The following FRMD6 variants were observed in gnomAD, a reference collection of about 807,000 sequenced individuals.
FRMD6 encodes the protein FERM domain containing 6.
Under a neutral mutation model 73.2 loss-of-function variants are expected in FRMD6, and 37 were observed. The ratio of observed to expected loss-of-function variants is 0.51; its 90% CI spans 0.39 to 0.66. The LOEUF is 0.66. Among genes scored for constraint, FRMD6 ranks in the 30% least tolerant of loss-of-function variants. FRMD6 has a pLI of 0.00. For missense variants in FRMD6, 714 were observed against 780.5 expected, an observed-to-expected ratio of 0.91 and a Z score of 1.02; for synonymous variants, 273 against 282.2, an observed-to-expected ratio of 0.97 and a Z score of 0.33.
intron 1 of FRMD6, among the ~76,000 whole-genome samples, chr14:51,531,975 A>G (rs1190720969): frequency 6.6e-6 from 1 of 152,224 alleles, no homozygotes; most frequent in Non-Finnish European, 1.5e-5. Context: ...TATAATAAAC[A>G]TATACTTCTT....
chr14:51,502,913 T>C (rs773681794), intron 1 of FRMD6, among the ~76,000 whole-genome samples: 3 of 152,200 alleles, frequency 2.0e-5, no homozygotes, highest in African/African-American at 4.8e-5. Context: ...GTCCTTCACA[T>C]CTCTTGTTAG....
At position 51,585,939 on chromosome 14, in the gene FRMD6, G is replaced by GTGTGTGTGTATATA; in HGVS notation, c.-147+15530_-147+15531insGTGTGTGTATATAT. ...TGCCATGGCATGTGTGTGTGTGTGT[G>GTGTGTGTGTATATA]TATATATATATATATATATATAACA... On this transcript the variant is annotated intron_variant, in intron 2 of 14. Transcript: ENST00000356218. 4.5e-3 allele frequency among the ~76,000 whole-genome samples: 140 copies of GTGTGTGTGTATATA among 31,412 alleles called. 4 individuals are homozygous for GTGTGTGTGTATATA. Among genetic ancestry groups the GTGTGTGTGTATATA allele is most frequent in the African/African-American group, 9.4e-3 (137 of 14,634 alleles). The allele number at this position is 31,412 out of a possible 152,430, so 20.6% of individuals were successfully genotyped here.
At chr14:51,470,409 A>C in the FRMD6 span, among the ~76,000 whole-genome samples, 89 of 152,118 alleles carry the variant, frequency 5.9e-4, no homozygotes, top group Middle Eastern at 3.4e-3. Context: ...CTGAGGGAGG[A>C]GAATTGCTTG....
chr14:51,522,794 C>T (rs1338504298), intron 1 of FRMD6: 3 of 152,172 alleles, frequency 2.0e-5, no homozygotes, highest in Non-Finnish European at 4.4e-5. Context: ...TAAAAGAAAT[C>T]CTACTTTGGA....
chr14:51,413,320 C>T, the FRMD6 span, among the ~76,000 whole-genome samples: 1 of 152,116 alleles, frequency 6.6e-6, no homozygotes, highest in Non-Finnish European at 1.5e-5. Context: ...GCTCCCAAAC[C>T]CACGGCAGGC....
intron 3 of FRMD6, among the ~76,000 whole-genome samples, chr14:51,699,152 A>G (rs1566575916): frequency 6.6e-6 from 1 of 152,066 alleles, no homozygotes; most frequent in Non-Finnish European, 1.5e-5. Flanking sequence ...CTTTCCCCCA[A>G]AATGTAGACT....
chr14:51,540,120 T>C (rs1338939126), intron 1 of FRMD6, among the ~76,000 whole-genome samples: 1 of 152,110 alleles, frequency 6.6e-6, no homozygotes, highest in East Asian at 1.9e-4. Context: ...TTCTAGTGCT[T>C]TGGTGATGGC....
intron 2 of FRMD6, among the ~76,000 whole-genome samples, chr14:51,606,929 C>A (rs761632933): frequency 6.6e-6 from 1 of 152,092 alleles, no homozygotes; most frequent in Non-Finnish European, 1.5e-5. Context: ...CAAAGGCTGG[C>A]GAGCCTGGAA....
intron 1 of FRMD6, among the ~76,000 whole-genome samples, chr14:51,544,385 G>T (rs992044860): frequency 6.6e-6 from 1 of 151,832 alleles, no homozygotes; most frequent in Non-Finnish European, 1.5e-5. Flanking sequence ...AACTAAAATC[G>T]TTCTTCTTCA....
intron 7 of FRMD6, among the ~76,000 whole-genome samples, chr14:51,708,715 T>A (rs4255714): frequency 0.1 from 15,658 of 152,204 alleles, 1,138 homozygotes; most frequent in Non-Finnish European, 0.16. Flanking sequence ...GTGTTTTTTT[T>A]AATCCTCATA....
At chr14:51,672,377 A>G (rs1436187514) in intron 1 of FRMD6, among the ~76,000 whole-genome samples, 1 of 152,174 alleles carries the variant, frequency 6.6e-6, no homozygotes, top group Non-Finnish European at 1.5e-5. Context: ...ACACAAGGAC[A>G]ATTTTGGGAG....
chr14:51,477,478 A>AG, the FRMD6 span, among the ~76,000 whole-genome samples: 5,005 of 152,196 alleles, frequency 0.033, 282 homozygotes, highest in African/African-American at 0.11. Context: ...TGAGGATACA[A>AG]GGGGGGAAAC....
the FRMD6 span, among the ~76,000 whole-genome samples, chr14:51,447,558 C>T: frequency 6.6e-6 from 1 of 152,210 alleles, no homozygotes; most frequent in South Asian, 2.1e-4. Context: ...CCCCTCAGGG[C>T]AGCAGTTACA....
intron 1 of FRMD6, among the ~76,000 whole-genome samples, chr14:51,681,715 G>C (rs1279486291): frequency 2.0e-5 from 3 of 152,134 alleles, no homozygotes; most frequent in Non-Finnish European, 2.9e-5. Context: ...CAATTGTATA[G>C]TATAATAATG....
chr14:51,474,325 A>G, the FRMD6 span, among the ~76,000 whole-genome samples: 1 of 152,236 alleles, frequency 6.6e-6, no homozygotes, highest in Non-Finnish European at 1.5e-5. Flanking sequence ...GCAGTTAAAC[A>G]CTACATCACA....
At chr14:51,535,749 T>C (rs1009865144) in intron 1 of FRMD6, among the ~76,000 whole-genome samples, 20 of 152,172 alleles carry the variant, frequency 1.3e-4, no homozygotes, top group African/African-American at 4.8e-4. Flanking sequence ...ATTGCTGGGT[T>C]ATATGTTTTG....
At chr14:51,427,682 C>T in the FRMD6 span, among the ~76,000 whole-genome samples, 4 of 152,202 alleles carry the variant, frequency 2.6e-5, no homozygotes, top group South Asian at 2.1e-4. Flanking sequence ...TTTTCCACTT[C>T]GTATAGAGAT....
At chr14:51,437,666 C>CTT in the FRMD6 span, among the ~76,000 whole-genome samples, 11 of 152,140 alleles carry the variant, frequency 7.2e-5, no homozygotes, top group African/African-American at 2.7e-4. Context: ...TCCTTTTTCC[C>CTT]TTTTTTTTCC....
chr14:51,457,676 G>T, the FRMD6 span, among the ~76,000 whole-genome samples: 1 of 152,182 alleles, frequency 6.6e-6, no homozygotes, highest in Non-Finnish European at 1.5e-5. Context: ...AGGTCACATG[G>T]TAGCACTTCG....
Sources: allele counts gnomAD v4.1 joint callset (sites outside exome capture counted in the v4.1 genomes callset), GRCh38; gene constraint gnomAD v4.1.1; transcripts MANE v1.5; gene names NCBI Gene and HGNC (gene_info 2026-07-23, HGNC 2026-07-21).